The following RPS6KC1 variants were observed in gnomAD, a reference collection of about 807,000 sequenced individuals.
RPS6KC1 encodes the protein ribosomal protein S6 kinase C1.
A neutral mutation model predicts 103.8 loss-of-function variants in RPS6KC1; 54 were observed. The ratio of observed to expected loss-of-function variants is 0.52; its 90% CI spans 0.42 to 0.65. The LOEUF (loss-of-function observed/expected upper bound fraction) is 0.65. RPS6KC1 is among the 30% of genes least tolerant of loss of function. The pLI, the probability that RPS6KC1 is intolerant of heterozygous loss-of-function variation, is 0.00. For missense variants in RPS6KC1, 1,151 were observed against 1,253.8 expected, an observed-to-expected ratio of 0.92 and a Z score of 1.24; for synonymous variants, 439 against 438.7, an observed-to-expected ratio of 1.00 and a Z score of -0.01.
chr1:213,516,457 C>T, the RPS6KC1 span, among the ~76,000 whole-genome samples: 2 of 152,172 alleles, frequency 1.3e-5, no homozygotes, highest in Non-Finnish European at 2.9e-5. Context: ...TGAATTTTGT[C>T]AAAGGCCTTT....
chr1:213,172,262 G>C (rs2091531276), intron 7 of RPS6KC1, among the ~76,000 whole-genome samples: 1 of 152,068 alleles, frequency 6.6e-6, no homozygotes, highest in African/African-American at 2.4e-5. Flanking sequence ...AAGACAGTGG[G>C]CAGGCTGAAC....
the RPS6KC1 span, among the ~76,000 whole-genome samples, chr1:213,757,857 A>T: frequency 6.6e-6 from 1 of 152,198 alleles, no homozygotes; most frequent in Non-Finnish European, 1.5e-5. Context: ...CCCATTGACC[A>T]TTCTGAAAAT....
the RPS6KC1 span, among the ~76,000 whole-genome samples, chr1:213,602,022 TTCTTTCTCTTTC>T: frequency 6.6e-5 from 2 of 30,124 alleles, no homozygotes; most frequent in East Asian, 7.5e-3. Flanking sequence ...TTTTCTTTCT[TTCTTTCTCTTTC>T]TCTTTCTTTC....
the RPS6KC1 span, among the ~76,000 whole-genome samples, chr1:213,601,024 A>G: frequency 6.6e-6 from 1 of 152,196 alleles, no homozygotes; most frequent in Non-Finnish European, 1.5e-5. Flanking sequence ...GCAAGATGGA[A>G]AGAAGTTACT....
chr1:213,111,396 G>T (rs992218662), intron 4 of RPS6KC1, among the ~76,000 whole-genome samples: 1 of 152,074 alleles, frequency 6.6e-6, no homozygotes, highest in African/African-American at 2.4e-5. Context: ...TGAATTAGAA[G>T]TTTAAAATTA....
chr1:213,273,746 ATTTG>A lies in RPS6KC1; in HGVS notation c.*1115_*1118del, dbSNP rs1288249333. ...TATTCACACATCTCCAAACATTTGT[ATTTG>A]TTACTTCTTTTTGTTGCTAAGGTAG... On this transcript the variant is annotated 3_prime_UTR_variant, in exon 15 of 15. Coordinates refer to ENST00000366960, the MANE Select transcript of RPS6KC1 (RefSeq NM_012424.6). The A allele has an allele frequency of 6.6e-6, 1 of 152,166 alleles. No individual in the cohort carries two copies. The highest frequency in any genetic ancestry group is 2.4e-5 in the African/African-American group (1 of 41,440). The allele number at this position is 152,166 out of a possible 1,614,324, so 9.4% of individuals were successfully genotyped here.
Position 213,262,763 on chromosome 1 carries a change from A to G in RPS6KC1, c.3037A>G (p.Thr1013Ala). 1 of 1,613,412 alleles carries G rather than the reference A, an allele frequency of 6.2e-7. No homozygotes were observed. Among genetic ancestry groups the G allele is most frequent in the Non-Finnish European group, 8.5e-7 (1 of 1,179,306 alleles). Residue 1013 changes from threonine to alanine, a missense_variant, in exon 14 of 15, where the codon ACT becomes GCT. Transcript: ENST00000366960. Reference sequence around the variant, plus strand: ...TCCAGCAGGAATAAATACTCACACTACTTTGAACATGCCAGAATGTGTCTC... The same window carrying G: ...TCCAGCAGGAATAAATACTCACACTGCTTTGAACATGCCAGAATGTGTCTC... ...CHPAGINTHT[T>A]LNMPECVSEE... is the part of the protein sequence containing the mutation.
intron 8 of RPS6KC1, among the ~76,000 whole-genome samples, chr1:213,227,204 T>C (rs2093982697): frequency 6.6e-6 from 1 of 152,230 alleles, no homozygotes; most frequent in African/African-American, 2.4e-5. Context: ...CATTCTTGTG[T>C]CTTTAGTTTT....
chr1:213,302,191 G>A, the RPS6KC1 span, among the ~76,000 whole-genome samples: 1 of 152,220 alleles, frequency 6.6e-6, no homozygotes, highest in Admixed American at 6.5e-5. Context: ...AGTGTGAACA[G>A]AGGAAAGTCT....
the RPS6KC1 span, among the ~76,000 whole-genome samples, chr1:213,346,609 C>G: frequency 6.6e-6 from 1 of 151,872 alleles, no homozygotes; most frequent in African/African-American, 2.4e-5. Flanking sequence ...TTCTTATATT[C>G]AGGCTGGTTT....
chr1:213,093,532 C>T (rs1472824753), intron 3 of RPS6KC1, among the ~76,000 whole-genome samples: 2 of 152,082 alleles, frequency 1.3e-5, no homozygotes, highest in African/African-American at 2.4e-5. Context: ...TTTTATAGGT[C>T]CTCTTACATT....
chr1:213,278,393 T>C (rs190066602), downstream of RPS6KC1, among the ~76,000 whole-genome samples: 36 of 152,000 alleles, frequency 2.4e-4, no homozygotes, highest in Admixed American at 7.9e-4. Context: ...ATAAAATTGA[T>C]CCAATGGAAA....
chr1:213,812,747 G>C, the RPS6KC1 span, among the ~76,000 whole-genome samples: 7 of 152,150 alleles, frequency 4.6e-5, no homozygotes, highest in Non-Finnish European at 1.0e-4. Context: ...CTACTTTAGG[G>C]ACTGGCTTCT....
the RPS6KC1 span, among the ~76,000 whole-genome samples, chr1:213,304,637 G>C: frequency 6.6e-6 from 1 of 151,834 alleles, no homozygotes; most frequent in Non-Finnish European, 1.5e-5. Flanking sequence ...CTGGATCCTG[G>C]GTTCAAGCGA....
At chr1:213,409,870 T>C in the RPS6KC1 span, among the ~76,000 whole-genome samples, 1 of 152,302 alleles carries the variant, frequency 6.6e-6, no homozygotes, top group East Asian at 1.9e-4. Context: ...ACTACAGTGT[T>C]ATAATTGCTG....
At chr1:213,839,058 T>C in the RPS6KC1 span, among the ~76,000 whole-genome samples, 2 of 152,166 alleles carry the variant, frequency 1.3e-5, no homozygotes, top group Admixed American at 6.5e-5. Flanking sequence ...TTTCTCTTCT[T>C]TCCACGTGGC....
chr1:213,515,315 C>T, the RPS6KC1 span, among the ~76,000 whole-genome samples: 2 of 152,166 alleles, frequency 1.3e-5, no homozygotes, highest in Non-Finnish European at 2.9e-5. Context: ...ATGCCTATGT[C>T]CTGAATGGCA....
chr1:213,602,179 T>TTTCC, the RPS6KC1 span, among the ~76,000 whole-genome samples: 1 of 94,166 alleles, frequency 1.1e-5, no homozygotes, highest in Non-Finnish European at 2.0e-5. Context: ...TCTTTCTTTC[T>TTTCC]TTCTTTCTTT....
chr1:213,675,555 C>A, the RPS6KC1 span, among the ~76,000 whole-genome samples: 1 of 152,148 alleles, frequency 6.6e-6, no homozygotes, highest in African/African-American at 2.4e-5. Context: ...AGGTATCCTG[C>A]ATACTGCTCT....
Sources: gnomAD v4.1 joint callset for allele counts (sites outside exome capture counted in the v4.1 genomes callset) on GRCh38, gnomAD v4.1.1 for gene constraint, MANE v1.5 for transcripts, NCBI Gene and HGNC (gene_info 2026-07-23, HGNC 2026-07-21) for gene names.